The following PTPN13 variants were observed in gnomAD, a reference collection of about 807,000 sequenced individuals.
The protein encoded by PTPN13 is tyrosine-protein phosphatase non-receptor type 13.
PTPN13 carries 191 observed loss-of-function variants against 284.0 expected under a neutral mutation model. The ratio of observed to expected loss-of-function variants is 0.67; its 90% CI spans 0.60 to 0.76. The LOEUF (loss-of-function observed/expected upper bound fraction) is 0.76. PTPN13 is among the 30% of genes least tolerant of loss of function. The pLI, the probability that PTPN13 is intolerant of heterozygous loss-of-function variation, is 0.00. For synonymous variants in PTPN13, 986 were observed against 1,022.3 expected, an observed-to-expected ratio of 0.96 and a Z score of 0.68; for missense variants, 2,797 against 2,939.9, an observed-to-expected ratio of 0.95 and a Z score of 1.12.
intron 1 of PTPN13, among the ~76,000 whole-genome samples, chr4:86,597,951 T>C (rs561854099): frequency 2.0e-5 from 3 of 152,326 alleles, no homozygotes; most frequent in Non-Finnish European, 2.9e-5. Flanking sequence ...TTTTTAATTT[T>C]TGTTTTGTTT....
At chr4:86,695,729 C>T (rs1201265204) in intron 6 of PTPN13, among the ~76,000 whole-genome samples, 1 of 151,830 alleles carries the variant, frequency 6.6e-6, no homozygotes, top group Non-Finnish European at 1.5e-5. Context: ...TATTCTTTCT[C>T]TAACCTCTTT....
At position 86,769,986 on chromosome 4, in the gene PTPN13, G is replaced by A; in HGVS notation, c.4704+3G>A. The A allele has an allele frequency of 6.2e-7, 1 of 1,613,744 alleles. No homozygotes were observed. On this transcript the variant is annotated splice_donor_region_variant and intron_variant, in intron 29 of 47. Coordinates refer to ENST00000411767, the MANE Select transcript of PTPN13 (RefSeq NM_080683.3). ...CTTTGAAAGGACTATCTCAGCAGGTGAGCCCCTAGCATGTGGAGTATAGCA... is the reference window on the plus strand; with the variant it reads ...CTTTGAAAGGACTATCTCAGCAGGTAAGCCCCTAGCATGTGGAGTATAGCA...
At position 86,809,954 on chromosome 4, in the gene PTPN13, G is replaced by C; in HGVS notation, c.7269G>C (p.Val2423=). ...CAGGGACCCTGATTTGCATAGATGT[G>C]GTTCTGGGATTAATCAGTCAGGATC... ...GRSGTLICID[V]VLGLISQDLD... is the part of the protein sequence containing the mutation. Residue 2423 remains valine, a synonymous_variant, in exon 46 of 48, where the codon GTG becomes GTC. Transcript: ENST00000411767. 6.2e-7 allele frequency: 1 copy of C among 1,613,938 alleles called. No homozygotes were observed. The highest frequency in any genetic ancestry group is 1.1e-5 in the South Asian group (1 of 91,072).
chr4:86,693,066 A>G (rs1427112973), intron 5 of PTPN13, among the ~76,000 whole-genome samples: 4 of 89,446 alleles, frequency 4.5e-5, no homozygotes, highest in Non-Finnish European at 7.0e-5. Context: ...AGACTCCGTT[A>G]TATTTAAAAA....
At position 86,601,708 on chromosome 4, in the gene PTPN13, A is replaced by G. The variant is rs562721169; in HGVS notation, c.-6+6919A>G. On this transcript the variant is annotated intron_variant, in intron 1 of 47. Transcript: ENST00000411767. ...AGGGATTTTAAGATTGTATTGAGAT[A>G]CTAACATTCAATTGAAAAAATGAAT... is the stretch of plus-strand genomic sequence containing the variant. 1.8e-4 allele frequency among the ~76,000 whole-genome samples: 27 copies of G among 152,310 alleles called. No homozygotes were observed. The East Asian group carries it at 5.2e-3, about 29-fold the overall frequency.
intron 24 of PTPN13, among the ~76,000 whole-genome samples, chr4:86,763,489 T>G (rs1738942985): frequency 6.6e-6 from 1 of 152,246 alleles, no homozygotes; most frequent in Non-Finnish European, 1.5e-5. Context: ...AATGTTTGTA[T>G]TAATAAGAGA....
At chr4:86,705,930 G>T (rs1418098398) in intron 7 of PTPN13, among the ~76,000 whole-genome samples, 1 of 152,046 alleles carries the variant, frequency 6.6e-6, no homozygotes, top group Admixed American at 6.6e-5. Context: ...GTTCTAGGAG[G>T]GTTATTGAGT....
chr4:86,655,403 T>C (rs1456543989), intron 2 of PTPN13, among the ~76,000 whole-genome samples: 1 of 152,220 alleles, frequency 6.6e-6, no homozygotes, highest in African/African-American at 2.4e-5. Flanking sequence ...CCATGTTTAG[T>C]GCTTCTTTCA....
At chr4:86,729,743 A>C (rs1565432008) in intron 10 of PTPN13, among the ~76,000 whole-genome samples, 1 of 149,102 alleles carries the variant, frequency 6.7e-6, no homozygotes, top group Non-Finnish European at 1.5e-5. Flanking sequence ...CATTCCTCTA[A>C]CCTTTTTGCA....
intron 3 of PTPN13, among the ~76,000 whole-genome samples, chr4:86,685,102 A>G (rs906994824): frequency 2.6e-5 from 4 of 152,140 alleles, no homozygotes; most frequent in Non-Finnish European, 1.5e-5. Context: ...TCCTCTAGCA[A>G]TCTCCATTCT....
chr4:86,753,200 G>C, intron 20 of PTPN13, 135 bp downstream of exon 20: 2 of 540,834 alleles, frequency 3.7e-6, no homozygotes, highest in East Asian at 3.1e-5. Context: ...AAGGAGAGTT[G>C]TATTTTTCAG....
chr4:86,730,765 GAGGTGATGCCCCGT>G, intron 10 of PTPN13, among the ~76,000 whole-genome samples: 1 of 129,328 alleles, frequency 7.7e-6, no homozygotes, highest in African/African-American at 2.6e-5. Flanking sequence ...CTTCCTGGGT[GAGGTGATGCCCCGT>G]CCGGCTTCAG....
chr4:86,679,960 T>C (rs1405023025), intron 3 of PTPN13, among the ~76,000 whole-genome samples: 1 of 152,234 alleles, frequency 6.6e-6, no homozygotes, highest in East Asian at 1.9e-4. Context: ...GATTGAATTC[T>C]GGCTTTGTCA....
chr4:86,757,363 T>TA (rs1185641399), intron 20 of PTPN13, among the ~76,000 whole-genome samples: 1 of 152,204 alleles, frequency 6.6e-6, no homozygotes, highest in Admixed American at 6.5e-5. Flanking sequence ...AAACAATGGT[T>TA]AAAAATCTCT....
chr4:86,801,802 G>A (rs1744062578), intron 42 of PTPN13, among the ~76,000 whole-genome samples: 1 of 152,156 alleles, frequency 6.6e-6, no homozygotes, highest in African/African-American at 2.4e-5. Context: ...GCAGAGCCCA[G>A]TTTAAGAAAA....
chr4:86,609,688 C>T (rs1765091080), intron 1 of PTPN13, among the ~76,000 whole-genome samples: 1 of 152,134 alleles, frequency 6.6e-6, no homozygotes, highest in Non-Finnish European at 1.5e-5. Context: ...ACATGTTTCA[C>T]ACTTTTAACC....
At position 86,710,982 on chromosome 4, in the gene PTPN13, G is replaced by A. The variant is rs1341711308; in HGVS notation, c.1196-5548G>A. ...CTCTGTCTCCTAGGCTAGGTGCAGT[G>A]GCATCGTCTTAGCTTACTGCAACCT... is the stretch of plus-strand genomic sequence containing the variant. On this transcript the variant is annotated intron_variant, in intron 7 of 47. Coordinates refer to ENST00000411767, the MANE Select transcript of PTPN13 (RefSeq NM_080683.3). Among the ~76,000 whole-genome samples, 3 of 151,564 alleles carry A rather than the reference G, an allele frequency of 2.0e-5. No individual in the cohort carries two copies. In the East Asian group the frequency reaches 5.8e-4, roughly 29 times the overall value.
intron 1 of PTPN13, among the ~76,000 whole-genome samples, chr4:86,610,488 C>CA (rs1206835137): frequency 1.2e-4 from 19 of 152,028 alleles, no homozygotes; most frequent in African/African-American, 4.3e-4. Flanking sequence ...CCTGCAGGGG[C>CA]AAAAAAGGGG....
At chr4:86,601,210 A>T (rs906168722) in intron 1 of PTPN13, among the ~76,000 whole-genome samples, 4 of 152,108 alleles carry the variant, frequency 2.6e-5, no homozygotes, top group Admixed American at 6.5e-5. Context: ...AAAATTAAAT[A>T]AAAAATCACT....
Sources: gnomAD v4.1 joint callset for allele counts (sites outside exome capture counted in the v4.1 genomes callset) on GRCh38, gnomAD v4.1.1 for gene constraint, MANE v1.5 for transcripts, NCBI Gene and HGNC (gene_info 2026-07-23, HGNC 2026-07-21) for gene names.